SLC6A19: variants seen among roughly 807,000 people sequenced by gnomAD.
The protein encoded by SLC6A19 is solute carrier family 6 member 19.
A neutral mutation model predicts 68.3 loss-of-function variants in SLC6A19; 67 were observed. The observed-to-expected ratio is 0.98, with a 90% confidence interval of 0.81 to 1.20. The LOEUF is 1.20. Ranked by LOEUF, SLC6A19 falls within the 50% of genes most tolerant of loss-of-function variation. SLC6A19 has a pLI of 0.00. For missense variants in SLC6A19, 813 were observed against 851.6 expected (o/e 0.95, Z 0.56); for synonymous variants, 392 against 374.9 (o/e 1.05, Z -0.53).
At chr5:1,204,784 C>A (rs1274305646) in intron 1 of SLC6A19, among the ~76,000 whole-genome samples, 2 of 152,252 alleles carry the variant, frequency 1.3e-5, no homozygotes, top group African/African-American at 4.8e-5. Context: ...CAGCTGTTTC[C>A]AGCTGTCTCT....
chr5:1,212,187 T>A lies in SLC6A19; in HGVS notation c.482-116T>A. The A allele has an allele frequency of 1.6e-6, 2 of 1,249,148 alleles. No individual in the cohort carries two copies. Among genetic ancestry groups the A allele is most frequent in the Admixed American group, 3.6e-5 (2 of 55,482 alleles). 77.4% of individuals were successfully genotyped at this position (1,249,148 alleles called of 1,614,324 possible). A position where few individuals can be genotyped will look rare whatever the true frequency, so the allele number is the denominator to read the frequency against. ...CTGTGTTCATGTGCACGTGTGGGCG[T>A]GTCACTGGTGTCAAGGCCTCTGGAA... On this transcript the variant is annotated intron_variant, in intron 3 of 11. Transcript: ENST00000304460. This position sits in a 1 kb window ranked among gnomAD's most constrained non-coding sequence, Gnocchi z 5.1.
intron 1 of SLC6A19, 84 bp from the exon 2 acceptor site, chr5:1,208,662 T>C (rs751527306): frequency 3.8e-5 from 61 of 1,597,070 alleles, no homozygotes; most frequent in Non-Finnish European, 5.1e-5. Context: ...GCTGCAAGGT[T>C]TGCTGTGAAT....
chr5:1,215,336 G>A lies in SLC6A19; in HGVS notation c.888-1222G>A, dbSNP rs1166414809. On this transcript the variant is annotated intron_variant, in intron 6 of 11. Coordinates refer to ENST00000304460, the MANE Select transcript of SLC6A19 (RefSeq NM_001003841.3). The surrounding 1 kb of genome is among the most constrained non-coding windows in gnomAD (Gnocchi z 5.1). ...GTACATTCACAGAGTTGTGAAGCCAGCCATCAGCACTGTCCAGTTCTAGAA... is the reference window on the plus strand; with the variant it reads ...GTACATTCACAGAGTTGTGAAGCCAACCATCAGCACTGTCCAGTTCTAGAA... Among the ~76,000 whole-genome samples, 2 of 152,232 alleles carry A rather than the reference G, an allele frequency of 1.3e-5. No individual in the cohort carries two copies. Among genetic ancestry groups the A allele is most frequent in the African/African-American group, 4.8e-5 (2 of 41,458 alleles).
At chr5:1,219,282 C>T (rs1266991308) in intron 9 of SLC6A19, among the ~76,000 whole-genome samples, 175 bp downstream of exon 9, 1 of 149,906 alleles carries the variant, frequency 6.7e-6, no homozygotes, top group Non-Finnish European at 1.5e-5. Context: ...CTGTCCCCGG[C>T]CGTGTGTGCA....
chr5:1,205,853 C>T (rs1006077010), intron 1 of SLC6A19, among the ~76,000 whole-genome samples: 1 of 151,474 alleles, frequency 6.6e-6, no homozygotes, highest in African/African-American at 2.4e-5. Flanking sequence ...GGTGAGCCTG[C>T]AGCCCCCACA....
Position 1,221,840 on chromosome 5 carries a change from G to A in SLC6A19, c.1841G>A (p.Gly614Glu). The A allele has an allele frequency of 2.5e-6, 4 of 1,614,210 alleles. No homozygotes were observed. Among genetic ancestry groups the A allele is most frequent in the Non-Finnish European group, 3.4e-6 (4 of 1,180,046 alleles). The change falls in exon 12 of 12, where the codon GGG becomes GAG. Residue 614 changes from glycine (G) to glutamate (E), a missense_variant. Gly to Glu is a moderately conservative substitution (Grantham distance 98). Transcript: ENST00000304460. ...ATCAGGAACCACTGCCAGAAGCCAG[G>A]GGACCATCAGGGGCTGGTGAGCACA... ...KLIRNHCQKP[G>E]DHQGLVSTLS...
At chr5:1,221,112 G>T in intron 10 of SLC6A19, 39 bp from the exon 11 acceptor site, 5 of 1,606,994 alleles carry the variant, frequency 3.1e-6, no homozygotes, top group Non-Finnish European at 4.2e-6. Context: ...TTGAAGCCCA[G>T]CTGGTAGCAG....
At position 1,212,549 on chromosome 5, in the gene SLC6A19, G is replaced by T. The variant is rs564831733; in HGVS notation, c.663+65G>T. 2 of 1,587,970 alleles carry T rather than the reference G, an allele frequency of 1.3e-6. No homozygotes were observed. The highest frequency in any genetic ancestry group is 1.7e-6 in the Non-Finnish European group (2 of 1,171,954). On this transcript the variant is annotated intron_variant, in intron 4 of 11. Coordinates refer to ENST00000304460, the MANE Select transcript of SLC6A19 (RefSeq NM_001003841.3). This position sits in a 1 kb window ranked among gnomAD's most constrained non-coding sequence, Gnocchi z 5.1. ...GGCGGGTGCGGGCAGCCCTGCCTCC[G>T]GCCGGCTGCACTCTAAAACCCAGGT...
rs1230260425 is a variant in SLC6A19, at chr5:1,214,355, T to C, written c.887+290T>C. ...AGACCCCTCCTGTGCTCTCCCCAGT[T>C]CCCTGCTCCACACCCACATCGCTCC... On this transcript the variant is annotated intron_variant, in intron 6 of 11. Coordinates refer to ENST00000304460, the MANE Select transcript of SLC6A19 (RefSeq NM_001003841.3). This position sits in a 1 kb window ranked among gnomAD's most constrained non-coding sequence, Gnocchi z 7.4. Among the ~76,000 whole-genome samples the C allele has an allele frequency of 1.3e-5, 2 of 151,990 alleles. No homozygotes were observed. The highest frequency in any genetic ancestry group is 1.3e-4 in the Admixed American group (2 of 15,268).
rs1746144496 is a variant in SLC6A19, at chr5:1,214,373, A to G, written c.887+308A>G. The stretch of plus-strand genomic sequence containing the variant: ...CCCCAGTTCCCTGCTCCACACCCAC[A>G]TCGCTCCCAGCCCACCCCTGGGCAT... On this transcript the variant is annotated intron_variant, in intron 6 of 11. Coordinates refer to ENST00000304460, the MANE Select transcript of SLC6A19 (RefSeq NM_001003841.3). The surrounding 1 kb of genome is among the most constrained non-coding windows in gnomAD (Gnocchi z 7.4). 6.6e-6 allele frequency among the ~76,000 whole-genome samples: 1 copy of G among 152,032 alleles called. No individual in the cohort carries two copies. Among genetic ancestry groups the G allele is most frequent in the Admixed American group, 6.5e-5 (1 of 15,288 alleles).
In SLC6A19 at chr5:1,213,947, G is replaced by A; in HGVS notation, c.775-6G>A. 1.2e-6 allele frequency: 2 copies of A among 1,612,820 alleles called. No individual in the cohort carries two copies. The highest frequency in any genetic ancestry group is 3.3e-4 in the Middle Eastern group (2 of 6,058). Reference sequence around the variant, plus strand: ...ATGAGTGGCTGAGGGTCTCCATGTGGCGCAGGTCACGGAGCTGGCCCAGCC... The same window carrying A: ...ATGAGTGGCTGAGGGTCTCCATGTGACGCAGGTCACGGAGCTGGCCCAGCC... On this transcript the variant is annotated splice_polypyrimidine_tract_variant and splice_region_variant and intron_variant, in intron 5 of 11. Transcript: ENST00000304460.
chr5:1,202,582 G>A (rs754964967), intron 1 of SLC6A19, among the ~76,000 whole-genome samples: 20 of 152,282 alleles, frequency 1.3e-4, no homozygotes, highest in South Asian at 2.1e-4. Context: ...TGGGCTTGGC[G>A]AACCCCAAAG....
intron 2 of SLC6A19, 53 bp from the exon 3 acceptor site, chr5:1,210,391 G>T: frequency 6.2e-7 from 1 of 1,606,942 alleles, no homozygotes; most frequent in South Asian, 1.1e-5. Flanking sequence ...GGGGATGGGT[G>T]GCCAGTGGAG....
At chr5:1,211,912 T>TGCATGTGTGTGCATGTGA (rs1393091377) in intron 3 of SLC6A19, among the ~76,000 whole-genome samples, 3 of 146,192 alleles carry the variant, frequency 2.1e-5, no homozygotes, top group East Asian at 2.0e-4. Context: ...TGTGTGTACA[T>TGCATGTGTGTGCATGTGA]GCATGTGTGT....
rs923518494 is a variant in SLC6A19, at chr5:1,223,731, G to A, written c.*1827G>A. 2.6e-5 allele frequency: 4 copies of A among 150,988 alleles called. No homozygotes were observed. Among genetic ancestry groups the A allele is most frequent in the African/African-American group, 9.9e-5 (4 of 40,314 alleles). 9.4% of individuals were successfully genotyped at this position (150,988 alleles called of 1,614,324 possible). ...GGACAGGTCACCTCTGCTTTCCATA[G>A]AAGAATCTGGACGCTTACATTAAAC... On this transcript the variant is annotated 3_prime_UTR_variant, in exon 12 of 12. Transcript: ENST00000304460.
rs1196673368 is a variant in SLC6A19, at chr5:1,218,925, C to G, written c.1196C>G (p.Ala399Gly). 1.9e-6 allele frequency: 3 copies of G among 1,613,830 alleles called. No homozygotes were observed. In the Admixed American group the frequency reaches 5.0e-5, roughly 27 times the overall value. Reference sequence around the variant, plus strand: ...CAGGCCGTGGAGGGCACAGGCCTGGCCTTCATCGTCTTCACCGAGGCCATC... The same window carrying G: ...CAGGCCGTGGAGGGCACAGGCCTGGGCTTCATCGTCTTCACCGAGGCCATC... ...LSEAVEGTGL[A>G]FIVFTEAITK... Residue 399 changes from alanine to glycine, a missense_variant, in exon 9 of 12, where the codon GCC becomes GGC. Coordinates refer to ENST00000304460, the MANE Select transcript of SLC6A19 (RefSeq NM_001003841.3).
rs1404658057 is a variant in SLC6A19 at position 1,212,652 on chromosome 5, G to A, written c.663+168G>A. 1.1e-4 allele frequency among the ~76,000 whole-genome samples: 16 copies of A among 152,108 alleles called. No individual in the cohort carries two copies. Among genetic ancestry groups the A allele is most frequent in the Admixed American group, 8.5e-4 (13 of 15,278 alleles). On this transcript the variant is annotated intron_variant, in intron 4 of 11. Coordinates refer to ENST00000304460, the MANE Select transcript of SLC6A19 (RefSeq NM_001003841.3). The surrounding 1 kb of genome is among the most constrained non-coding windows in gnomAD (Gnocchi z 5.1). ...TGCCCTTAGGCTCACTGGCCTGGGC[G>A]GGAGGGGCCCTGCCTGCCCCAGGTT...
At position 1,208,651 on chromosome 5, in the gene SLC6A19, G is replaced by T. The variant is rs182297880; in HGVS notation, c.203-95G>T. 67 of 1,567,522 alleles carry T rather than the reference G, an allele frequency of 4.3e-5. No individual in the cohort carries two copies. The Admixed American group carries it at 9.0e-4, about 21-fold the overall frequency. On this transcript the variant is annotated intron_variant, in intron 1 of 11. Coordinates refer to ENST00000304460, the MANE Select transcript of SLC6A19 (RefSeq NM_001003841.3). ...TCCCAAGTGGTGGGCCGGCCATAGG[G>T]GCTGCAAGGTTTGCTGTGAATGCCT...
intron 9 of SLC6A19, 107 bp from the exon 10 acceptor site, chr5:1,219,398 G>T: frequency 6.6e-7 from 1 of 1,504,152 alleles, no homozygotes; most frequent in Non-Finnish European, 9.0e-7. Context: ...TGTGTGAACA[G>T]CTCTGTCCCT....
Sources: allele counts gnomAD v4.1 joint callset (sites outside exome capture counted in the v4.1 genomes callset), GRCh38; gene constraint gnomAD v4.1.1; non-coding constraint Gnocchi (gnomAD v3.1); transcripts MANE v1.5; gene names NCBI Gene and HGNC (gene_info 2026-07-23, HGNC 2026-07-21).